The following MVB12B variants were observed in gnomAD, a reference collection of about 807,000 sequenced individuals.
The protein encoded by MVB12B is multivesicular body subunit 12B.
A neutral mutation model predicts 41.6 loss-of-function variants in MVB12B; 16 were observed. That is an observed-to-expected ratio of 0.38 (90% CI 0.26 to 0.58). The LOEUF is 0.58. Among genes scored for constraint, MVB12B ranks in the 20% least tolerant of loss-of-function variants. The pLI, the probability that MVB12B is intolerant of heterozygous loss-of-function variation, is 0.62. For missense variants in MVB12B, 274 were observed against 380.2 expected (o/e 0.72, Z 2.32); for synonymous variants, 133 against 139.7 (o/e 0.95, Z 0.34).
At chr9:126,492,236 C>G (rs78577721) in intron 9 of MVB12B, among the ~76,000 whole-genome samples, 1 of 149,208 alleles carries the variant, frequency 6.7e-6, no homozygotes, top group Non-Finnish European at 1.5e-5. Context: ...ATCAGCCTTA[C>G]CCTTTTTAAT....
At position 126,473,756 on chromosome 9, in the gene MVB12B, G is replaced by C. The variant is rs1833369303; in HGVS notation, c.758-7613G>C. Among the ~76,000 whole-genome samples the C allele has an allele frequency of 6.6e-6, 1 of 152,228 alleles. No individual in the cohort carries two copies. ...ACATAGCTCAGTCATCTCCCGCCGG[G>C]CCCCCTCCAATACCGGGGATTACAA... is the stretch of plus-strand genomic sequence containing the variant. On this transcript the variant is annotated intron_variant, in intron 7 of 9. Transcript: ENST00000361171. The surrounding 1 kb of genome is among the most constrained non-coding windows in gnomAD (Gnocchi z 4.0).
intron 1 of MVB12B, among the ~76,000 whole-genome samples, chr9:126,339,931 A>G (rs906923642): frequency 4.6e-5 from 7 of 152,156 alleles, no homozygotes; most frequent in Non-Finnish European, 7.3e-5. Flanking sequence ...AGGAGGTTAA[A>G]TTGCTTACTC....
intron 2 of MVB12B, among the ~76,000 whole-genome samples, chr9:126,341,973 A>C (rs1259813252): frequency 1.3e-5 from 2 of 152,222 alleles, no homozygotes; most frequent in African/African-American, 4.8e-5. Flanking sequence ...AAACATTTTA[A>C]AAGTGAAAAA....
intron 9 of MVB12B, among the ~76,000 whole-genome samples, chr9:126,488,800 G>A (rs890776310): frequency 6.6e-6 from 1 of 152,208 alleles, no homozygotes; most frequent in Non-Finnish European, 1.5e-5. Flanking sequence ...AGCGTTAACT[G>A]TCCTCACCAT....
chr9:126,495,554 C>T (rs1025263443), intron 9 of MVB12B, among the ~76,000 whole-genome samples: 31 of 152,316 alleles, frequency 2.0e-4, no homozygotes, highest in African/African-American at 7.2e-4. Flanking sequence ...CATGCACACA[C>T]AAGACACAGT....
intron 6 of MVB12B, among the ~76,000 whole-genome samples, chr9:126,403,890 A>ATCATGCAT (rs1831339895): frequency 6.6e-6 from 1 of 151,302 alleles, no homozygotes; most frequent in Non-Finnish European, 1.5e-5. Context: ...GCAGAGACTT[A>ATCATGCAT]TCATGCATTT....
intron 9 of MVB12B, among the ~76,000 whole-genome samples, chr9:126,501,608 A>C (rs1833959861): frequency 6.6e-6 from 1 of 152,134 alleles, no homozygotes; most frequent in Non-Finnish European, 1.5e-5. Context: ...GGCTGTGGAC[A>C]TGGCGCTAGT....
At chr9:126,460,918 A>G (rs552656846) in intron 7 of MVB12B, among the ~76,000 whole-genome samples, 32 of 152,346 alleles carry the variant, frequency 2.1e-4, no homozygotes, top group African/African-American at 6.5e-4. Flanking sequence ...GTCAATACAC[A>G]GAAAGCCCCA....
intron 2 of MVB12B, among the ~76,000 whole-genome samples, chr9:126,351,359 G>A (rs1829741592): frequency 6.6e-6 from 1 of 150,948 alleles, no homozygotes; most frequent in South Asian, 2.1e-4. Context: ...CCATCTGTAT[G>A]CCTTTTATTT....
At chr9:126,496,689 C>G (rs556018391) in intron 9 of MVB12B, among the ~76,000 whole-genome samples, 1 of 152,214 alleles carries the variant, frequency 6.6e-6, no homozygotes, top group African/African-American at 2.4e-5. Context: ...GTGTTCCTGA[C>G]AGAACTGGCT....
At chr9:126,397,252 G>A (rs1337881136) in intron 6 of MVB12B, 6 of 985,360 alleles carry the variant, frequency 6.1e-6, no homozygotes, top group Non-Finnish European at 6.0e-6. Context: ...ACTTTCTGTG[G>A]TTAAAGAAAG....
Position 126,480,338 on chromosome 9 carries a change from C to T in MVB12B, c.758-1031C>T, listed in dbSNP as rs1022224386. On this transcript the variant is annotated intron_variant, in intron 7 of 9. Transcript: ENST00000361171. The surrounding 1 kb of genome is among the most constrained non-coding windows in gnomAD (Gnocchi z 4.9). ...TGTCCCAGCAGCCGCATGGCTGCCA[C>T]GTTGGCTCTGTGAATGCCGGCATCA... 2.0e-5 allele frequency among the ~76,000 whole-genome samples: 3 copies of T among 152,350 alleles called. No individual in the cohort carries two copies. Among genetic ancestry groups the T allele is most frequent in the African/African-American group, 4.8e-5 (2 of 41,588 alleles).
chr9:126,340,105 A>G lies in MVB12B; in HGVS notation c.82-403A>G, dbSNP rs1318951225. ...TGGGTTTGGAAGTCTAGGCCTCCGTAGGAGAGATTGCAAGGGAGAGAGAGG... is the reference window on the plus strand; with the variant it reads ...TGGGTTTGGAAGTCTAGGCCTCCGTGGGAGAGATTGCAAGGGAGAGAGAGG... On this transcript the variant is annotated intron_variant, in intron 1 of 9. Coordinates refer to ENST00000361171, the MANE Select transcript of MVB12B (RefSeq NM_033446.3). This position sits in a 1 kb window ranked among gnomAD's most constrained non-coding sequence, Gnocchi z 4.0. 6.6e-6 allele frequency among the ~76,000 whole-genome samples: 1 copy of G among 152,108 alleles called. No individual in the cohort carries two copies. Among genetic ancestry groups the G allele is most frequent in the Non-Finnish European group, 1.5e-5 (1 of 68,032 alleles).
chr9:126,391,925 G>A lies in MVB12B; in HGVS notation c.410-141G>A, dbSNP rs1830967426. 2.0e-6 allele frequency: 2 copies of A among 977,164 alleles called. No homozygotes were observed. Among genetic ancestry groups the A allele is most frequent in the African/African-American group, 1.6e-5 (1 of 62,042 alleles). 60.5% of individuals were successfully genotyped at this position (977,164 alleles called of 1,614,324 possible). On this transcript the variant is annotated intron_variant, in intron 4 of 9. Transcript: ENST00000361171. The surrounding 1 kb of genome is among the most constrained non-coding windows in gnomAD (Gnocchi z 4.4). ...AGCCCCGGGGAAGGCAGGCGGCAGA[G>A]CGCAGCCCTTCTGTCCAGCAGCTTA...
chr9:126,403,472 A>G (rs1309598776), intron 6 of MVB12B, among the ~76,000 whole-genome samples: 2 of 152,184 alleles, frequency 1.3e-5, no homozygotes, highest in Non-Finnish European at 2.9e-5. Context: ...TGCCTGCGTC[A>G]TACAGCCTGG....
chr9:126,342,953 A>G (rs1484442125), intron 2 of MVB12B, among the ~76,000 whole-genome samples: 1 of 152,006 alleles, frequency 6.6e-6, no homozygotes, highest in Non-Finnish European at 1.5e-5. Context: ...TGTAGGATTA[A>G]TTTCTCCCTG....
chr9:126,461,652 G>A (rs766765469), intron 7 of MVB12B, among the ~76,000 whole-genome samples: 8 of 152,220 alleles, frequency 5.3e-5, no homozygotes, highest in Non-Finnish European at 1.2e-4. Flanking sequence ...TATATCACTA[G>A]TGGAAAATCC....
chr9:126,503,221 C>T lies in MVB12B; in HGVS notation c.918C>T (p.Leu306=), dbSNP rs62640044. 4,666 of 1,550,632 alleles carry T rather than the reference C, an allele frequency of 3.0e-3. 112 individuals are homozygous for T. In the African/African-American group the frequency reaches 0.05, roughly 17 times the overall value. The change falls in exon 10 of 10, where the codon CTC becomes CTT. Residue 306 remains leucine (L), a synonymous_variant. Transcript: ENST00000361171. ...CAGAGCAGAGCGCAGCCGCCAGGCT[C>T]CCGCCCAGCCCCACCAGGTGTCAGC... ...FRTEQSAAAR[L]PPSPTRCQQI... is the part of the protein sequence containing the mutation.
intron 2 of MVB12B, among the ~76,000 whole-genome samples, chr9:126,371,901 A>G (rs1021128929): frequency 6.6e-6 from 1 of 152,304 alleles, no homozygotes; most frequent in Admixed American, 6.5e-5. Flanking sequence ...ATATACCACA[A>G]AGTTCACTTT....
Sources: allele counts gnomAD v4.1 joint callset (sites outside exome capture counted in the v4.1 genomes callset), GRCh38; gene constraint gnomAD v4.1.1; non-coding constraint Gnocchi (gnomAD v3.1); transcripts MANE v1.5; gene names NCBI Gene and HGNC (gene_info 2026-07-23, HGNC 2026-07-21).